The following OLA1 variants were observed in gnomAD, a reference collection of about 807,000 sequenced individuals.
The protein encoded by OLA1 is obg-like ATPase 1.
A neutral mutation model predicts 48.4 loss-of-function variants in OLA1; 14 were observed. The observed-to-expected ratio is 0.29, with a 90% CI of 0.19 to 0.45. The LOEUF is 0.45. Ranked by LOEUF, OLA1 falls within the 20% of genes least tolerant of loss-of-function variation. The pLI is 1.00. For missense variants in OLA1, 325 were observed against 467.1 expected (o/e 0.70, Z 2.80); for synonymous variants, 127 against 150.4 (o/e 0.84, Z 1.14).
chr2:174,210,194 A>G (rs781287534), intron 4 of OLA1, among the ~76,000 whole-genome samples: 37 of 152,164 alleles, frequency 2.4e-4, no homozygotes, highest in Non-Finnish European at 4.1e-4. Flanking sequence ...CATTATATCT[A>G]TCATATTTTA....
intron 7 of OLA1, among the ~76,000 whole-genome samples, chr2:174,085,178 G>A (rs1226378706): frequency 2.6e-5 from 4 of 152,198 alleles, no homozygotes; most frequent in Admixed American, 2.0e-4. Flanking sequence ...AGGACAACTA[G>A]TTTTAAGACA....
chr2:174,208,512 G>T (rs1453277399), intron 4 of OLA1, among the ~76,000 whole-genome samples: 1 of 152,112 alleles, frequency 6.6e-6, no homozygotes, highest in Non-Finnish European at 1.5e-5. Flanking sequence ...ATAGGGCTTG[G>T]TCTGTCCAAG....
rs558760685 is a variant in OLA1 at position 174,099,165 on chromosome 2, T to A, written c.729-17101A>T. Reference sequence around the variant, plus strand: ...TTGACTTTGTTATTTTATTTATTTTTTTTTTTTTTGAGACGGAGTCTCGCT... The same window carrying A: ...TTGACTTTGTTATTTTATTTATTTTATTTTTTTTTGAGACGGAGTCTCGCT... On this transcript the variant is annotated intron_variant, in intron 7 of 10. Coordinates refer to ENST00000284719, the MANE Select transcript of OLA1 (RefSeq NM_013341.5). 1.1e-4 allele frequency among the ~76,000 whole-genome samples: 16 copies of A among 152,108 alleles called. No individual in the cohort carries two copies. In the East Asian group the frequency reaches 1.2e-3, roughly 11 times the overall value.
At position 174,148,448 on chromosome 2, in the gene OLA1, TACTC is replaced by T. The variant is rs1461183433; in HGVS notation, c.374-6452_374-6449del. Reference sequence around the variant, plus strand: ...CAAGTTTAATTTGCACAAGGAGAAATACTCACATAATGCGTAACTAAAATGTTAA... The same window carrying T: ...CAAGTTTAATTTGCACAAGGAGAAATACATAATGCGTAACTAAAATGTTAA... On this transcript the variant is annotated intron_variant, in intron 4 of 10. Transcript: ENST00000284719. Among the ~76,000 whole-genome samples, 8 of 152,172 alleles carry T rather than the reference TACTC, an allele frequency of 5.3e-5. No individual in the cohort carries two copies. The South Asian group carries it at 1.0e-3, about 20-fold the overall frequency.
intron 6 of OLA1, 47 bp from the exon 7 acceptor site, chr2:174,123,324 T>C: frequency 1.1e-6 from 1 of 874,020 alleles, no homozygotes; most frequent in Non-Finnish European, 1.8e-6. Context: ...GTTTAGTAAA[T>C]ATGGAGTAAA....
At chr2:174,181,869 T>C (rs1687549283) in intron 4 of OLA1, among the ~76,000 whole-genome samples, 1 of 152,220 alleles carries the variant, frequency 6.6e-6, no homozygotes, top group African/African-American at 2.4e-5. Context: ...TTTATTGCCA[T>C]CTAATATACA....
intron 4 of OLA1, among the ~76,000 whole-genome samples, chr2:174,151,735 T>C (rs1295805656): frequency 6.6e-6 from 1 of 152,242 alleles, no homozygotes; most frequent in African/African-American, 2.4e-5. Context: ...GAGCTAAACA[T>C]GCATTGGCAA....
intron 7 of OLA1, among the ~76,000 whole-genome samples, chr2:174,109,541 A>G (rs927202677): frequency 6.6e-6 from 1 of 152,222 alleles, no homozygotes; most frequent in African/African-American, 2.4e-5. Context: ...TACAAGTACT[A>G]ATTTCAAGAG....
intron 5 of OLA1, among the ~76,000 whole-genome samples, chr2:174,125,750 TTACAA>T (rs1385803919): frequency 3.3e-5 from 5 of 152,182 alleles, no homozygotes; most frequent in Non-Finnish European, 7.4e-5. Flanking sequence ...TTTTCTCACA[TTACAA>T]ATTACATTAC....
chr2:174,097,704 G>A (rs1383480647), intron 7 of OLA1, among the ~76,000 whole-genome samples: 6 of 150,862 alleles, frequency 4.0e-5, no homozygotes, highest in East Asian at 1.9e-4. Context: ...CAGCCTGGGC[G>A]ACAGAGTGAG....
At chr2:174,105,799 G>A (rs2105355625) in intron 7 of OLA1, among the ~76,000 whole-genome samples, 1 of 152,044 alleles carries the variant, frequency 6.6e-6, no homozygotes, top group South Asian at 2.1e-4. Context: ...AATTGCAAAG[G>A]ACTGTTTTTA....
At chr2:174,144,941 AAAAAAAAAAAATAT>A (rs1686547294) in intron 4 of OLA1, among the ~76,000 whole-genome samples, 1 of 64,330 alleles carries the variant, frequency 1.6e-5, no homozygotes, top group Non-Finnish European at 3.1e-5. Context: ...AAAAAAAAAA[AAAAAAAAAAAATAT>A]ATATATATAT....
intron 4 of OLA1, among the ~76,000 whole-genome samples, chr2:174,163,716 AT>A (rs59271260): frequency 2.2e-4 from 4 of 17,988 alleles, no homozygotes; most frequent in East Asian, 4.9e-3. Flanking sequence ...AAATAAATAT[AT>A]ATATATATAT....
chr2:174,207,384 T>C (rs561722052), intron 4 of OLA1, among the ~76,000 whole-genome samples: 81 of 152,284 alleles, frequency 5.3e-4, no homozygotes, highest in Non-Finnish European at 1.1e-3. Context: ...AACAGTGATA[T>C]AAAACAGAAT....
intron 5 of OLA1, among the ~76,000 whole-genome samples, chr2:174,135,411 T>C (rs1686288471): frequency 6.6e-6 from 1 of 152,226 alleles, no homozygotes; most frequent in African/African-American, 2.4e-5. Context: ...TTCTTCATTT[T>C]GTATTTGTGG....
chr2:174,076,566 T>C (rs1290017012), intron 10 of OLA1, among the ~76,000 whole-genome samples: 1 of 152,038 alleles, frequency 6.6e-6, no homozygotes, highest in East Asian at 1.9e-4. Flanking sequence ...AAAACACTAA[T>C]AAAGATCATA....
intron 4 of OLA1, among the ~76,000 whole-genome samples, chr2:174,221,634 G>C (rs1688505653): frequency 6.6e-6 from 1 of 152,120 alleles, no homozygotes; most frequent in African/African-American, 2.4e-5. Context: ...CTTTCTGACA[G>C]ACACCTATCA....
intron 4 of OLA1, among the ~76,000 whole-genome samples, chr2:174,215,047 CA>C (rs527994410): frequency 3.3e-3 from 364 of 109,492 alleles, no homozygotes; most frequent in Admixed American, 4.2e-3. Context: ...GAGACTATCT[CA>C]AAAAAAAAAA....
In OLA1 at chr2:174,141,966, T is replaced by A; in HGVS notation, c.408A>T (p.Glu136Asp). 6.2e-7 allele frequency: 1 copy of A among 1,613,316 alleles called. No individual in the cohort carries two copies. Among genetic ancestry groups the A allele is most frequent in the South Asian group, 1.1e-5 (1 of 90,848 alleles). ...TATCTCGAATAGGATCTACACTTCC[T>A]TCAACGTGCGTGATATCATCATCTT... Reference protein sequence around the residue: ...AFEDDDITHVEGSVDPIRDIE... With the variant: ...AFEDDDITHVDGSVDPIRDIE... Residue 136 changes from glutamate to aspartate, a missense_variant, in exon 5 of 11, where the codon GAA (glutamate) becomes GAT (aspartate). Glu to Asp is a conservative substitution (Grantham distance 45, BLOSUM62 2). Transcript: ENST00000284719.
Sources: allele counts gnomAD v4.1 joint callset (sites outside exome capture counted in the v4.1 genomes callset), GRCh38; gene constraint gnomAD v4.1.1; transcripts MANE v1.5; gene names NCBI Gene and HGNC (gene_info 2026-07-23, HGNC 2026-07-21).